Variants in TRIM68 observed in about 807,000 individuals in gnomAD.
TRIM68 encodes E3 ubiquitin-protein ligase TRIM68.
Under a neutral mutation model 41.9 loss-of-function variants are expected in TRIM68, and 36 were observed. The observed-to-expected ratio is 0.86, with a 90% CI of 0.66 to 1.14. The LOEUF is 1.14. Among genes scored for constraint, TRIM68 ranks in the 50% most tolerant of loss-of-function variants. The pLI is 0.00. For synonymous variants in TRIM68, 225 were observed against 224.6 expected (o/e 1.00, Z -0.02); for missense variants, 632 against 605.1 (o/e 1.04, Z -0.47).
At chr11:4,605,650 A>C (rs2133201552) in intron 1 of TRIM68, 89 bp from the exon 2 acceptor site, 1 of 817,700 alleles carries the variant, frequency 1.2e-6, no homozygotes, top group East Asian at 2.7e-5. Context: ...TTCTGGGGGA[A>C]AACCACCTTC....
In TRIM68 at chr11:4,599,468, G is replaced by A. The variant is rs1846445709; in HGVS notation, c.*808C>T. On this transcript the variant is annotated 3_prime_UTR_variant, in exon 7 of 7. Coordinates refer to ENST00000300747, the MANE Select transcript of TRIM68 (RefSeq NM_018073.8). ...GCCGAGATCGTGCCACTGCACTCCA[G>A]CCTGGGCAACAGAGTGAGACTCCGT... The A allele has an allele frequency of 6.6e-6, 1 of 152,324 alleles. No homozygotes were observed. Among genetic ancestry groups the A allele is most frequent in the South Asian group, 2.1e-4 (1 of 4,828 alleles). The allele number at this position is 152,324 out of a possible 1,614,324, so 9.4% of individuals were successfully genotyped here. A position where few individuals can be genotyped will look rare whatever the true frequency, so the allele number is the denominator to read the frequency against.
At position 4,600,215 on chromosome 11, in the gene TRIM68, C is replaced by T; in HGVS notation, c.*61G>A. Reference sequence around the variant, plus strand: ...GGGGATACCTGTCAGTGGCTCGGTCCTCCAAGCCCCATGGGGGCCAGGCCC... The same window carrying T: ...GGGGATACCTGTCAGTGGCTCGGTCTTCCAAGCCCCATGGGGGCCAGGCCC... On this transcript the variant is annotated 3_prime_UTR_variant, in exon 7 of 7. Coordinates refer to ENST00000300747, the MANE Select transcript of TRIM68 (RefSeq NM_018073.8). 6.7e-7 allele frequency: 1 copy of T among 1,486,020 alleles called. No individual in the cohort carries two copies. Among genetic ancestry groups the T allele is most frequent in the Non-Finnish European group, 9.0e-7 (1 of 1,110,542 alleles). The allele number at this position is 1,486,020 out of a possible 1,614,324, so 92.1% of individuals were successfully genotyped here. A position where few individuals can be genotyped will look rare whatever the true frequency, so the allele number is the denominator to read the frequency against.
chr11:4,603,719 C>A (rs1218119904), intron 2 of TRIM68, among the ~76,000 whole-genome samples: 5 of 152,180 alleles, frequency 3.3e-5, no homozygotes, highest in African/African-American at 1.2e-4. Flanking sequence ...ATCCACATCA[C>A]CTAGGAGCTT....
At chr11:4,605,653 C>T (rs1846559142) in intron 1 of TRIM68, 92 bp from the exon 2 acceptor site, 1 of 806,712 alleles carries the variant, frequency 1.2e-6, no homozygotes. Context: ...TGGGGGAAAA[C>T]CACCTTCCTT....
At chr11:4,601,806 G>T (rs1846493356) in intron 4 of TRIM68, 120 bp from the exon 5 acceptor site, 2 of 1,201,832 alleles carry the variant, frequency 1.7e-6, no homozygotes, top group Admixed American at 1.8e-5. Context: ...ATGGAGAGAT[G>T]CCATGCAGAG....
Position 4,600,821 on chromosome 11 carries a change from C to T in TRIM68, c.913G>A (p.Val305Met), listed in dbSNP as rs774148785. ...TAAGCAGTATCTGGATCCAAGCGCA[C>T]ATCAGCTAGAAGAAAAGGTCCTGGT... Reference protein sequence around the residue: ...REILKTYAADVRLDPDTAYSR... With the variant: ...REILKTYAADMRLDPDTAYSR... The change falls in exon 7 of 7, where the codon GTG becomes ATG. Residue 305 changes from valine (V) to methionine (M), a missense_variant. Coordinates refer to ENST00000300747, the MANE Select transcript of TRIM68 (RefSeq NM_018073.8). 31 of 1,611,212 alleles carry T rather than the reference C, an allele frequency of 1.9e-5. No homozygotes were observed. The South Asian group carries it at 3.3e-4, about 17-fold the overall frequency.
At chr11:4,602,436 G>C (rs1156309950) in intron 3 of TRIM68, 24 bp from the exon 4 acceptor site, 1 of 1,610,184 alleles carries the variant, frequency 6.2e-7, no homozygotes, top group Non-Finnish European at 8.5e-7. Flanking sequence ...ATGGAAATCA[G>C]CACTGATACT....
rs768511319 is a variant in TRIM68 at position 4,602,270 on chromosome 11, TC to T, written c.664del (p.Glu222ArgfsTer8). The T allele has an allele frequency of 6.4e-5, 104 of 1,614,076 alleles. No individual in the cohort carries two copies. Among genetic ancestry groups the T allele is most frequent in the Non-Finnish European group, 8.6e-5 (101 of 1,180,034 alleles). ...GTTCAACTCCAGTTTCTGCATGGTC[TC>T]CGCTGCCTCCCGCTGTAGGCTGGCC... ...ALASLQREAA[E>X]TMQKLELNHS... On this transcript the variant is annotated frameshift_variant, in exon 4 of 7. Coordinates refer to ENST00000300747, the MANE Select transcript of TRIM68 (RefSeq NM_018073.8). LOFTEE classifies it high-confidence loss of function.
chr11:4,605,042 C>T (rs377360714), intron 2 of TRIM68, 37 bp downstream of exon 2: 52 of 1,596,692 alleles, frequency 3.3e-5, no homozygotes, highest in East Asian at 2.0e-4. Context: ...AACTTGGGGC[C>T]GGGGTTAGAC....
Position 4,600,629 on chromosome 11 carries a change from C to T in TRIM68, c.1105G>A (p.Glu369Lys), listed in dbSNP as rs747281312. The T allele has an allele frequency of 6.2e-7, 1 of 1,614,166 alleles. No individual in the cohort carries two copies. Among genetic ancestry groups the T allele is most frequent in the South Asian group, 1.1e-5 (1 of 91,082 alleles). The change falls in exon 7 of 7, where the codon GAG (glutamate) becomes AAG (lysine). Residue 369 changes from glutamate to lysine, a missense_variant. Physicochemically the swap from Glu to Lys is moderately conservative, Grantham distance 56. Transcript: ENST00000300747. ...YWEVEVGDRS[E>K]WGLGVCKQNV... ...TGCTTACATACTCCCAGGCCCCACT[C>T]AGACCTGTCTCCCACCTCCACCTCC...
chr11:4,603,582 C>T (rs1312584585), intron 2 of TRIM68, among the ~76,000 whole-genome samples: 1 of 152,224 alleles, frequency 6.6e-6, no homozygotes, highest in Non-Finnish European at 1.5e-5. Flanking sequence ...GGTCCATTTA[C>T]AACCTCTCCA....
rs575162787 is a variant in TRIM68, at chr11:4,602,041, C to T, written c.783+111G>A. 4 of 1,484,748 alleles carry T rather than the reference C, an allele frequency of 2.7e-6. No individual in the cohort carries two copies. In the Admixed American group the frequency reaches 7.0e-5, roughly 26 times the overall value. 92.0% of individuals were successfully genotyped at this position (1,484,748 alleles called of 1,614,324 possible). Reference sequence around the variant, plus strand: ...GCTGGGGAAACACAGGATCCATGACCAGCTGGCAGAGGGCTGGCAGTCCCT... The same window carrying T: ...GCTGGGGAAACACAGGATCCATGACTAGCTGGCAGAGGGCTGGCAGTCCCT... On this transcript the variant is annotated intron_variant, in intron 4 of 6. Transcript: ENST00000300747.
In TRIM68 at chr11:4,600,764, G is replaced by A. The variant is rs138194759; in HGVS notation, c.970C>T (p.Arg324Cys). ...TGGTTGGTGTCTCCATAGTGCACAC[G>A]TTTTCTGTCCTCAGACACGATGAGA... Reference protein sequence around the residue: ...SRLIVSEDRKRVHYGDTNQKL... With the variant: ...SRLIVSEDRKCVHYGDTNQKL... Residue 324 changes from arginine to cysteine, a missense_variant, in exon 7 of 7, where the codon CGT (arginine) becomes TGT (cysteine). Coordinates refer to ENST00000300747, the MANE Select transcript of TRIM68 (RefSeq NM_018073.8). The A allele has an allele frequency of 2.7e-5, 43 of 1,614,118 alleles. No homozygotes were observed. The Admixed American group carries it at 2.7e-4, about 10-fold the overall frequency.
rs934986365 is a variant in TRIM68 at position 4,605,152 on chromosome 11, T to C, written c.353A>G (p.Glu118Gly). 1 of 1,614,228 alleles carries C rather than the reference T, an allele frequency of 6.2e-7. No individual in the cohort carries two copies. The highest frequency in any genetic ancestry group is 1.6e-4 in the Middle Eastern group (1 of 6,062). The change falls in exon 2 of 7, where the codon GAG (glutamate) becomes GGG (glycine). Residue 118 changes from glutamate to glycine, a missense_variant. Glu to Gly is a moderately conservative substitution (Grantham distance 98, BLOSUM62 -2). Coordinates refer to ENST00000300747, the MANE Select transcript of TRIM68 (RefSeq NM_018073.8). ...FCKEDVLIMC[E>G]ACSQSPEHEA... Reference sequence around the variant, plus strand: ...ATGCTCTGGGGACTGGCTGCAGGCCTCACACATTATCAAGACATCCTCTTT... The same window carrying C: ...ATGCTCTGGGGACTGGCTGCAGGCCCCACACATTATCAAGACATCCTCTTT...
rs774040045 is a variant in TRIM68 at position 4,599,577 on chromosome 11, A to C, written c.*699T>G. 1 of 152,214 alleles carries C rather than the reference A, an allele frequency of 6.6e-6. No homozygotes were observed. The highest frequency in any genetic ancestry group is 1.5e-5 in the Non-Finnish European group (1 of 68,040). 9.4% of individuals were successfully genotyped at this position (152,214 alleles called of 1,614,324 possible). A position where few individuals can be genotyped will look rare whatever the true frequency, so the allele number is the denominator to read the frequency against. On this transcript the variant is annotated 3_prime_UTR_variant, in exon 7 of 7. Transcript: ENST00000300747. ...AGTGAAAATACAAACTAAAGCTCGC[A>C]GGTTTTCTGATCCTGCCACTTAGAG... is the stretch of plus-strand genomic sequence containing the variant.
In TRIM68 at chr11:4,605,543, C is replaced by A. The variant is rs2133201474; in HGVS notation, c.-39G>T. On this transcript the variant is annotated 5_prime_UTR_variant, in exon 2 of 7. Transcript: ENST00000300747. The stretch of plus-strand genomic sequence containing the variant: ...ACCCTCCTCAGAACATGAATGAAAC[C>A]AGGGAGAAGTAGTAAAGGCTGAGAA... The A allele has an allele frequency of 6.5e-7, 1 of 1,543,908 alleles. No individual in the cohort carries two copies. Among genetic ancestry groups the A allele is most frequent in the South Asian group, 1.2e-5 (1 of 81,818 alleles).
intron 1 of TRIM68, among the ~76,000 whole-genome samples, chr11:4,607,292 T>C (rs1438227883): frequency 1.3e-5 from 2 of 152,248 alleles, no homozygotes; most frequent in Non-Finnish European, 2.9e-5. Flanking sequence ...CCATTTCTAT[T>C]TCCCCAGTGC....
chr11:4,600,230 G>A lies in TRIM68; in HGVS notation c.*46C>T, dbSNP rs759876953. 6 of 1,512,500 alleles carry A rather than the reference G, an allele frequency of 4.0e-6. No individual in the cohort carries two copies. Among genetic ancestry groups the A allele is most frequent in the Non-Finnish European group, 8.8e-7 (1 of 1,131,380 alleles). The allele number at this position is 1,512,500 out of a possible 1,614,324, so 93.7% of individuals were successfully genotyped here. ...TGGCTCGGTCCTCCAAGCCCCATGGGGGCCAGGCCCAATTCCAAGCCTCTC... is the reference window on the plus strand; with the variant it reads ...TGGCTCGGTCCTCCAAGCCCCATGGAGGCCAGGCCCAATTCCAAGCCTCTC... On this transcript the variant is annotated 3_prime_UTR_variant, in exon 7 of 7. Coordinates refer to ENST00000300747, the MANE Select transcript of TRIM68 (RefSeq NM_018073.8).
Position 4,602,158 on chromosome 11 carries a change from C to T in TRIM68, c.777G>A (p.Met259Ile). The T allele has an allele frequency of 1.2e-6, 2 of 1,614,196 alleles. No homozygotes were observed. The highest frequency in any genetic ancestry group is 1.7e-4 in the Middle Eastern group (1 of 6,060). Residue 259 changes from methionine (M) to isoleucine (I), a missense_variant, in exon 4 of 7, where the codon ATG becomes ATA. Physicochemically the swap from Met to Ile is conservative, Grantham distance 10. Transcript: ENST00000300747. ...KERSQRPVRW[M>I]LQDIQEVLNR... ...AGGAAAACCTACTACTCACCTGCAA[C>T]ATCCAGCGGACAGGCCTCTGCGACC...
Sources: allele counts gnomAD v4.1 joint callset (sites outside exome capture counted in the v4.1 genomes callset), GRCh38; gene constraint gnomAD v4.1.1; transcripts MANE v1.5; gene names NCBI Gene and HGNC (gene_info 2026-07-23, HGNC 2026-07-21).